Variants in NELL1 observed in about 807,000 individuals in gnomAD.
NELL1 encodes the protein protein kinase C-binding protein NELL1.
Under a neutral mutation model 107.4 loss-of-function variants are expected in NELL1, and 76 were observed. That is an observed-to-expected ratio of 0.71 (90% CI 0.59 to 0.86). NELL1 has a LOEUF of 0.86. NELL1 is among the 40% of genes least tolerant of loss of function. NELL1 has a pLI of 0.00. For missense variants in NELL1, 1,024 were observed against 1,005.5 expected (o/e 1.02, Z -0.25); for synonymous variants, 353 against 341.2 (o/e 1.03, Z -0.38).
At chr11:20,771,535 C>A (rs889415868) in intron 2 of NELL1, among the ~76,000 whole-genome samples, 1 of 152,134 alleles carries the variant, frequency 6.6e-6, no homozygotes, top group African/African-American at 2.4e-5. Context: ...CTTTTAAAAG[C>A]ACTTTCTAGT....
At chr11:21,261,376 G>T (rs1848527857) in intron 14 of NELL1, among the ~76,000 whole-genome samples, 3 of 151,592 alleles carry the variant, frequency 2.0e-5, no homozygotes, top group African/African-American at 7.3e-5. Flanking sequence ...AGGCTCCAGT[G>T]TGTTGTTCCC....
At chr11:21,369,950 C>T (rs1851320363) in intron 14 of NELL1, among the ~76,000 whole-genome samples, 1 of 152,054 alleles carries the variant, frequency 6.6e-6, no homozygotes, top group Admixed American at 6.6e-5. Context: ...TATGTGAATA[C>T]ATACTGAGGC....
At chr11:20,841,318 TG>T (rs1564930255) in intron 3 of NELL1, among the ~76,000 whole-genome samples, 3 of 149,268 alleles carry the variant, frequency 2.0e-5, no homozygotes, top group African/African-American at 4.9e-5. Flanking sequence ...CCTCTGCTCA[TG>T]TTTTTTTTTT....
Position 21,097,077 on chromosome 11 carries a change from G to A in NELL1, c.1301-16512G>A, listed in dbSNP as rs920665340. 4.6e-5 allele frequency among the ~76,000 whole-genome samples: 7 copies of A among 151,942 alleles called. 1 individual carries two copies. Among genetic ancestry groups the A allele is most frequent in the African/African-American group, 9.7e-5 (4 of 41,388 alleles). On this transcript the variant is annotated intron_variant, in intron 12 of 19. Coordinates refer to ENST00000357134, the MANE Select transcript of NELL1 (RefSeq NM_006157.5). ...CTCTACTCCTAAAATCATAAATTCAGACTAACCTCCAGGTAGAATCTTTCA... is the reference window on the plus strand; with the variant it reads ...CTCTACTCCTAAAATCATAAATTCAAACTAACCTCCAGGTAGAATCTTTCA...
intron 15 of NELL1, among the ~76,000 whole-genome samples, chr11:21,498,582 T>G (rs985811530): frequency 2.0e-5 from 3 of 151,804 alleles, no homozygotes; most frequent in African/African-American, 7.2e-5. Flanking sequence ...TTAAATTGTT[T>G]CCATTTTTAA....
chr11:21,379,864 T>A (rs1304457797), intron 15 of NELL1, among the ~76,000 whole-genome samples: 6 of 152,090 alleles, frequency 3.9e-5, no homozygotes, highest in Non-Finnish European at 8.8e-5. Flanking sequence ...ATCTTGCCTG[T>A]ATTTTGAGAG....
chr11:21,207,912 G>A (rs1048405140), intron 13 of NELL1, among the ~76,000 whole-genome samples: 1 of 151,902 alleles, frequency 6.6e-6, no homozygotes, highest in Admixed American at 6.6e-5. Context: ...AATAAATTTT[G>A]TTGTGTATAA....
At chr11:21,232,406 A>T (rs1858087813) in intron 14 of NELL1, among the ~76,000 whole-genome samples, 1 of 151,862 alleles carries the variant, frequency 6.6e-6, no homozygotes, top group South Asian at 2.1e-4. Context: ...TCACTAACGG[A>T]ATTTATATTT....
At chr11:21,063,573 C>A (rs947446514) in intron 12 of NELL1, among the ~76,000 whole-genome samples, 1 of 152,112 alleles carries the variant, frequency 6.6e-6, no homozygotes, top group African/African-American at 2.4e-5. Context: ...TCATATATAA[C>A]AAAGACACAC....
In NELL1 at chr11:20,836,131, A is replaced by C. The variant is rs969656693; in HGVS notation, c.336-11452A>C. On this transcript the variant is annotated intron_variant, in intron 3 of 19. Coordinates refer to ENST00000357134, the MANE Select transcript of NELL1 (RefSeq NM_006157.5). ...AAACCAATTTTTAAAAATAGGCAAA[A>C]TATCTGAATAGACATCTTACTAAAG... 5.9e-5 allele frequency among the ~76,000 whole-genome samples: 9 copies of C among 152,284 alleles called. No individual in the cohort carries two copies. In the East Asian group the frequency reaches 1.7e-3, roughly 29 times the overall value.
At chr11:21,542,651 T>C (rs569313468) in intron 16 of NELL1, among the ~76,000 whole-genome samples, 11 of 152,118 alleles carry the variant, frequency 7.2e-5, no homozygotes, top group Non-Finnish European at 1.5e-4. Context: ...CTTCTTTGCA[T>C]TTCTGGTGAT....
At chr11:20,944,857 T>C (rs1330835132) in intron 10 of NELL1, among the ~76,000 whole-genome samples, 2 of 152,224 alleles carry the variant, frequency 1.3e-5, no homozygotes, top group East Asian at 3.8e-4. Context: ...TGATTAGAAC[T>C]GGTGACTGAT....
chr11:20,957,086 C>T (rs1436851425), intron 11 of NELL1, among the ~76,000 whole-genome samples: 2 of 152,092 alleles, frequency 1.3e-5, no homozygotes, highest in African/African-American at 4.8e-5. Context: ...AGTGCAATTT[C>T]GAGTCTCTGG....
intron 16 of NELL1, among the ~76,000 whole-genome samples, chr11:21,556,396 G>T (rs1210054977): frequency 6.6e-6 from 1 of 152,006 alleles, no homozygotes; most frequent in Non-Finnish European, 1.5e-5. Context: ...TTGGTAAAAT[G>T]TTTACTTTGA....
chr11:21,532,752 C>A (rs1210212698), intron 15 of NELL1, among the ~76,000 whole-genome samples: 1 of 152,168 alleles, frequency 6.6e-6, no homozygotes, highest in Non-Finnish European at 1.5e-5. Flanking sequence ...GAAGTCATCT[C>A]TATAATCAGC....
At chr11:21,372,974 C>T (rs1245203069) in intron 15 of NELL1, among the ~76,000 whole-genome samples, 2 of 151,722 alleles carry the variant, frequency 1.3e-5, no homozygotes, top group African/African-American at 4.8e-5. Context: ...AAAATCAAGA[C>T]CAGGGAAAAA....
chr11:20,959,809 G>C (rs1196146940), intron 11 of NELL1, among the ~76,000 whole-genome samples: 1 of 152,104 alleles, frequency 6.6e-6, no homozygotes, highest in Non-Finnish European at 1.5e-5. Context: ...AAAACCTATG[G>C]ATATGAAATA....
intron 2 of NELL1, among the ~76,000 whole-genome samples, chr11:20,777,249 A>G (rs111421366): frequency 0.033 from 5,087 of 152,364 alleles, 128 homozygotes; most frequent in Non-Finnish European, 0.045. Context: ...AGTAGGAATA[A>G]TAATAATAAT....
intron 5 of NELL1, among the ~76,000 whole-genome samples, chr11:20,904,422 T>C (rs2134136868): frequency 6.6e-6 from 1 of 152,268 alleles, no homozygotes; most frequent in African/African-American, 2.4e-5. Context: ...TTATTATGTG[T>C]TAATTTAAGA....
Sources: allele counts gnomAD v4.1 joint callset (sites outside exome capture counted in the v4.1 genomes callset), GRCh38; gene constraint gnomAD v4.1.1; transcripts MANE v1.5; gene names NCBI Gene and HGNC (gene_info 2026-07-23, HGNC 2026-07-21).